PCDHGB3: variants seen among roughly 807,000 people sequenced by gnomAD.
PCDHGB3 encodes protocadherin gamma subfamily B, 3.
Under a neutral mutation model 59.2 loss-of-function variants are expected in PCDHGB3, and 40 were observed. The observed-to-expected ratio is 0.68, with a 90% confidence interval of 0.52 to 0.88. The LOEUF is 0.88. PCDHGB3 is among the 40% of genes least tolerant of loss of function. The pLI is 0.00. For synonymous variants in PCDHGB3, 581 were observed against 503.6 expected (o/e 1.15, Z -2.06); for missense variants, 1,309 against 1,187.9 (o/e 1.10, Z -1.50).
At position 141,432,001 on chromosome 5, in the gene PCDHGB3, G is replaced by T. The variant is rs755338230; in HGVS notation, c.2415+59192G>T. On this transcript the variant is annotated intron_variant, in intron 1 of 3. Coordinates refer to ENST00000576222, the MANE Select transcript of PCDHGB3 (RefSeq NM_018924.5). This position sits in a 1 kb window ranked among gnomAD's most constrained non-coding sequence, Gnocchi z 6.0. Reference sequence around the variant, plus strand: ...CAGACATAGTCTTGGATAGGGAACAGGTTCCTAGCTACAACATCACAGTGA... The same window carrying T: ...CAGACATAGTCTTGGATAGGGAACATGTTCCTAGCTACAACATCACAGTGA... 4 of 1,614,220 alleles carry T rather than the reference G, an allele frequency of 2.5e-6. No homozygotes were observed. In the East Asian group the frequency reaches 8.9e-5, roughly 36 times the overall value.
At chr5:141,409,756 C>T in intron 1 of PCDHGB3, 1 of 1,612,994 alleles carries the variant, frequency 6.2e-7, no homozygotes, top group Non-Finnish European at 8.5e-7. Flanking sequence ...TCGCGCAGCG[C>T]GCCTTTGATC....
At position 141,511,140 on chromosome 5, in the gene PCDHGB3, C is replaced by G. The variant is rs1405623579; in HGVS notation, c.2757C>G (p.Asn919Lys). Residue 919 changes from asparagine (N) to lysine (K), a missense_variant, in exon 4 of 4, where the codon AAC becomes AAG. Physicochemically the swap from Asn to Lys is moderately conservative, Grantham distance 94. Transcript: ENST00000576222. ...AGGCCCCAGCAGGTGGCAATGGCAACAAGAAGAAGTCGGGCAAGAAGGAGA... is the reference window on the plus strand; with the variant it reads ...AGGCCCCAGCAGGTGGCAATGGCAAGAAGAAGAAGTCGGGCAAGAAGGAGA... Reference protein sequence around the residue: ...DGKAPAGGNGNKKKSGKKEKK With the variant: ...DGKAPAGGNGKKKKSGKKEKK 2.5e-6 allele frequency: 4 copies of G among 1,614,068 alleles called. No homozygotes were observed. Among genetic ancestry groups the G allele is most frequent in the Admixed American group, 1.7e-5 (1 of 60,008 alleles).
At position 141,382,695 on chromosome 5, in the gene PCDHGB3, G is replaced by A. The variant is rs76993444; in HGVS notation, c.2415+9886G>A. ...TTCACCAACCAGGGAAAAATGGTGCGAGAGATCCCACAGAAACCACCGAGT... is the reference window on the plus strand; with the variant it reads ...TTCACCAACCAGGGAAAAATGGTGCAAGAGATCCCACAGAAACCACCGAGT... On this transcript the variant is annotated intron_variant, in intron 1 of 3. Coordinates refer to ENST00000576222, the MANE Select transcript of PCDHGB3 (RefSeq NM_018924.5). 1.1e-3 allele frequency: 486 copies of A among 451,892 alleles called. 2 individuals carry two copies. The highest frequency in any genetic ancestry group is 9.0e-3 in the African/African-American group (451 of 50,190). The allele number at this position is 451,892 out of a possible 1,614,324, so 28.0% of individuals were successfully genotyped here.
Position 141,412,258 on chromosome 5 carries a change from C to T in PCDHGB3, c.2415+39449C>T, listed in dbSNP as rs569698099. 5.8e-4 allele frequency: 88 copies of T among 152,314 alleles called. 1 individual carries two copies. The highest frequency in any genetic ancestry group is 2.0e-3 in the African/African-American group (83 of 41,568). 9.4% of individuals were successfully genotyped at this position (152,314 alleles called of 1,614,324 possible). On this transcript the variant is annotated intron_variant, in intron 1 of 3. Transcript: ENST00000576222. Reference sequence around the variant, plus strand: ...ATATCACTACATCTAACTTTGTTTTCTAAAACTTTTAGTACTTCAAATTCT... The same window carrying T: ...ATATCACTACATCTAACTTTGTTTTTTAAAACTTTTAGTACTTCAAATTCT...
intron 1 of PCDHGB3, chr5:141,391,466 C>T (rs375470029): frequency 2.6e-5 from 4 of 152,276 alleles, no homozygotes; most frequent in East Asian, 3.9e-4. Context: ...CTCATGCCAC[C>T]AGACCTGGCT....
intron 1 of PCDHGB3, chr5:141,376,202 T>C: frequency 3.7e-6 from 6 of 1,614,174 alleles, no homozygotes; most frequent in Non-Finnish European, 4.2e-6. Context: ...CTTCCTGGCC[T>C]TCGTCATCGT....
rs1388608588 is a variant in PCDHGB3 at position 141,481,102 on chromosome 5, A to T, written c.2416-13705A>T. The stretch of plus-strand genomic sequence containing the variant: ...GAAAAAAGAAAAGCAGTACTCTGGA[A>T]CCTACCAATCCATCATTTAGCATAT... On this transcript the variant is annotated intron_variant, in intron 1 of 3. Transcript: ENST00000576222. 3.3e-5 allele frequency among the ~76,000 whole-genome samples: 5 copies of T among 152,288 alleles called. No individual in the cohort carries two copies. The East Asian group carries it at 7.7e-4, about 24-fold the overall frequency.
intron 3 of PCDHGB3, among the ~76,000 whole-genome samples, chr5:141,509,164 C>A (rs1454864362): frequency 6.6e-6 from 1 of 152,188 alleles, no homozygotes; most frequent in Non-Finnish European, 1.5e-5. Context: ...TCCCGTGTGC[C>A]CTCCTCCTCT....
intron 1 of PCDHGB3, chr5:141,409,675 AG>A (rs2095301185): frequency 1.9e-6 from 3 of 1,613,304 alleles, no homozygotes; most frequent in African/African-American, 2.7e-5. Flanking sequence ...CCTACTCTAT[AG>A]TGGCGAGTGA....
chr5:141,384,742 G>A (rs1477575254), intron 1 of PCDHGB3: 1 of 1,613,976 alleles, frequency 6.2e-7, no homozygotes, highest in African/African-American at 1.3e-5. Flanking sequence ...CAGCGAGCCA[G>A]GACTCTTTGC....
intron 1 of PCDHGB3, chr5:141,408,227 C>G (rs771279344): frequency 1.9e-6 from 3 of 1,562,978 alleles, no homozygotes; most frequent in East Asian, 2.4e-5. Context: ...CGCGCAGAGG[C>G]GCCGGGCCGG....
Position 141,477,337 on chromosome 5 carries a change from C to T in PCDHGB3, c.2416-17470C>T. ...TTACTTCTTCCCTCAAGAATTACTT[C>T]ACTTTGAAAACCAGTGCAGACCTGG... On this transcript the variant is annotated intron_variant, in intron 1 of 3. Transcript: ENST00000576222. The surrounding 1 kb of genome is among the most constrained non-coding windows in gnomAD (Gnocchi z 4.9). The T allele has an allele frequency of 1.2e-6, 2 of 1,614,166 alleles. No individual in the cohort carries two copies. Among genetic ancestry groups the T allele is most frequent in the Non-Finnish European group, 1.7e-6 (2 of 1,180,028 alleles).
chr5:141,414,066 A>G, intron 1 of PCDHGB3: 2 of 1,608,358 alleles, frequency 1.2e-6, no homozygotes, highest in African/African-American at 1.3e-5. Context: ...TGAAGTTCCA[A>G]CTAAACAAAT....
intron 1 of PCDHGB3, chr5:141,421,067 T>G: frequency 1.4e-5 from 8 of 591,772 alleles, no homozygotes; most frequent in Non-Finnish European, 2.3e-5. Flanking sequence ...CAAAGCGGAA[T>G]GAGATGGATA....
intron 1 of PCDHGB3, among the ~76,000 whole-genome samples, chr5:141,451,090 A>G (rs2098706546): frequency 6.6e-6 from 1 of 151,864 alleles, no homozygotes; most frequent in Non-Finnish European, 1.5e-5. Context: ...GACCTCCCAA[A>G]GTGTTGGGAT....
At chr5:141,478,045 T>C in intron 1 of PCDHGB3, 3 of 1,614,144 alleles carry the variant, frequency 1.9e-6, no homozygotes, top group East Asian at 2.2e-5. Flanking sequence ...CCAGGCAGAC[T>C]CTCACGGTCT....
Position 141,487,106 on chromosome 5 carries a change from A to G in PCDHGB3, c.2416-7701A>G, listed in dbSNP as rs777727830. ...TGACCTCCCACCACAGAAGCTGGTC[A>G]TTGTGGTAAAGGATAGTGGTAGTCC... On this transcript the variant is annotated intron_variant, in intron 1 of 3. Transcript: ENST00000576222. The surrounding 1 kb of genome is among the most constrained non-coding windows in gnomAD (Gnocchi z 5.0). 1 of 1,613,902 alleles carries G rather than the reference A, an allele frequency of 6.2e-7. No individual in the cohort carries two copies. The highest frequency in any genetic ancestry group is 1.3e-5 in the African/African-American group (1 of 75,028).
At chr5:141,394,278 TACTC>T in intron 1 of PCDHGB3, 1 of 1,613,924 alleles carries the variant, frequency 6.2e-7, no homozygotes, top group East Asian at 2.2e-5. Flanking sequence ...CCAGGTCACT[TACTC>T]TGTGACCGAG....
chr5:141,428,443 G>T (rs1004000862), intron 1 of PCDHGB3: 5 of 383,870 alleles, frequency 1.3e-5, no homozygotes, highest in Non-Finnish European at 2.0e-5. Context: ...TAGACCAGGG[G>T]TTTTTCCCAA....
Sources: gnomAD v4.1 joint callset for allele counts (sites outside exome capture counted in the v4.1 genomes callset) on GRCh38, gnomAD v4.1.1 for gene constraint, Gnocchi (gnomAD v3.1) non-coding constraint, MANE v1.5 for transcripts, NCBI Gene and HGNC (gene_info 2026-07-23, HGNC 2026-07-21) for gene names.